The following MACROD2 variants were observed in gnomAD, a reference collection of about 807,000 sequenced individuals.
The protein encoded by MACROD2 is ADP-ribose glycohydrolase MACROD2.
In MACROD2, 36 loss-of-function variants were observed where a neutral mutation model predicts 70.4. The observed-to-expected ratio is 0.51, with a 90% CI of 0.39 to 0.68. The LOEUF (loss-of-function observed/expected upper bound fraction) is 0.68, where lower values mean the gene tolerates loss of function less well. MACROD2 is among the 30% of genes least tolerant of loss of function. MACROD2 has a pLI of 0.00. For synonymous variants in MACROD2, 172 were observed against 178.8 expected (o/e 0.96, Z 0.30); for missense variants, 496 against 538.4 (o/e 0.92, Z 0.78).
At chr20:14,026,676 C>T (rs1006890488) in intron 2 of MACROD2, among the ~76,000 whole-genome samples, 3 of 152,164 alleles carry the variant, frequency 2.0e-5, no homozygotes, top group Non-Finnish European at 4.4e-5. Flanking sequence ...TTGGCCCCCA[C>T]TCTCTTCTGG....
At chr20:14,154,552 ATTTTTTTTTTTTTTTTTTTTTT>A (rs869299523) in intron 3 of MACROD2, among the ~76,000 whole-genome samples, 2 of 106,646 alleles carry the variant, frequency 1.9e-5, no homozygotes, top group East Asian at 2.6e-4. Context: ...CGCCCGGCTA[ATTTTTTTTTTTTTTTTTTTTTT>A]TTTTTTTTTT....
chr20:14,950,024 T>C (rs1013051393), intron 5 of MACROD2, among the ~76,000 whole-genome samples: 6 of 152,154 alleles, frequency 3.9e-5, no homozygotes, highest in African/African-American at 1.2e-4. Context: ...TGTGCACTTA[T>C]TGTCCCTTCT....
intron 8 of MACROD2, among the ~76,000 whole-genome samples, chr20:15,623,032 T>C (rs1440720742): frequency 5.3e-5 from 8 of 152,200 alleles, no homozygotes; most frequent in African/African-American, 1.9e-4. Context: ...TGGAAAAATA[T>C]TACATTTCAG....
chr20:14,078,568 G>T (rs2053947546), intron 2 of MACROD2, among the ~76,000 whole-genome samples: 1 of 151,982 alleles, frequency 6.6e-6, no homozygotes, highest in Non-Finnish European at 1.5e-5. Context: ...CACCACGCCT[G>T]GCTAATTTTG....
intron 13 of MACROD2, among the ~76,000 whole-genome samples, chr20:15,973,198 GT>G (rs2066256800): frequency 6.6e-6 from 1 of 151,990 alleles, no homozygotes; most frequent in African/African-American, 2.4e-5. Flanking sequence ...TCTATATTTT[GT>G]CTGTGTTTCT....
At chr20:15,144,006 T>G (rs1160519121) in intron 5 of MACROD2, among the ~76,000 whole-genome samples, 1 of 151,448 alleles carries the variant, frequency 6.6e-6, no homozygotes, top group African/African-American at 2.4e-5. Flanking sequence ...GTTTACAAAT[T>G]TGTGTTGTGC....
intron 8 of MACROD2, among the ~76,000 whole-genome samples, chr20:15,744,545 T>C (rs1007743403): frequency 1.3e-5 from 2 of 152,146 alleles, no homozygotes; most frequent in African/African-American, 4.8e-5. Flanking sequence ...CCTGTCAAAT[T>C]TTTGATTCTG....
intron 8 of MACROD2, among the ~76,000 whole-genome samples, chr20:15,793,812 AATAT>A (rs1291580275): frequency 1.4e-5 from 2 of 147,668 alleles, no homozygotes; most frequent in African/African-American, 4.9e-5. Flanking sequence ...TATTATATAT[AATAT>A]ATATCATAAC....
At chr20:14,198,381 A>G (rs559912182) in intron 3 of MACROD2, among the ~76,000 whole-genome samples, 7 of 152,362 alleles carry the variant, frequency 4.6e-5, no homozygotes, top group African/African-American at 1.2e-4. Flanking sequence ...ATTTGAATCT[A>G]TGAGCCTTTG....
At chr20:14,057,658 A>G (rs763783977) in intron 2 of MACROD2, among the ~76,000 whole-genome samples, 13 of 152,212 alleles carry the variant, frequency 8.5e-5, no homozygotes, top group Non-Finnish European at 1.3e-4. Context: ...GTGTATACAT[A>G]CATATATCCA....
chr20:15,086,291 T>C (rs755911544), intron 5 of MACROD2, among the ~76,000 whole-genome samples: 4 of 152,222 alleles, frequency 2.6e-5, no homozygotes, highest in Non-Finnish European at 4.4e-5. Context: ...TGATTTGTTA[T>C]TGAATACACA....
At chr20:15,977,905 T>C (rs1429740218) in intron 13 of MACROD2, among the ~76,000 whole-genome samples, 4 of 152,172 alleles carry the variant, frequency 2.6e-5, no homozygotes, top group African/African-American at 7.2e-5. Flanking sequence ...CAGGTAGAGC[T>C]GGTTATGATT....
rs1310634683 is a variant in MACROD2, at chr20:16,032,775, G to GC, written c.1154-8426_1154-8425insC. ...GGAGGAGGGAAGAGAGGAAGGAAGA[G>GC]AGGAAGGAAGGGCAGGAAGGGAGGG... On this transcript the variant is annotated intron_variant, in intron 15 of 17. Coordinates refer to ENST00000684519, the MANE Select transcript of MACROD2 (RefSeq NM_001351661.2). Among the ~76,000 whole-genome samples the GC allele has an allele frequency of 2.3e-4, 28 of 123,148 alleles. No individual in the cohort carries two copies. In the Admixed American group the frequency reaches 2.5e-3, roughly 11 times the overall value. 80.8% of individuals were successfully genotyped at this position (123,148 alleles called of 152,430 possible).
chr20:14,162,032 C>T (rs2055198008), intron 3 of MACROD2, among the ~76,000 whole-genome samples: 1 of 152,088 alleles, frequency 6.6e-6, no homozygotes. Context: ...AATGAACTTC[C>T]CTCTTAGCAC....
chr20:15,021,985 C>T (rs1332440835), intron 5 of MACROD2, among the ~76,000 whole-genome samples: 1 of 151,950 alleles, frequency 6.6e-6, no homozygotes, highest in Non-Finnish European at 1.5e-5. Context: ...CTTCTGTAAG[C>T]CAAAAACTGC....
At chr20:15,103,128 G>A (rs1224285836) in intron 5 of MACROD2, among the ~76,000 whole-genome samples, 4 of 152,070 alleles carry the variant, frequency 2.6e-5, no homozygotes, top group African/African-American at 9.7e-5. Context: ...CTCAATTTAT[G>A]TTCTGTTTCA....
At chr20:15,380,177 C>T (rs905183319) in intron 6 of MACROD2, among the ~76,000 whole-genome samples, 4 of 112,210 alleles carry the variant, frequency 3.6e-5, no homozygotes, top group African/African-American at 2.4e-4. Context: ...ATCATACCAT[C>T]ATTTAAAAAA....
chr20:14,594,263 C>T (rs1217232350), intron 4 of MACROD2, among the ~76,000 whole-genome samples: 1 of 152,108 alleles, frequency 6.6e-6, no homozygotes, highest in Admixed American at 6.6e-5. Flanking sequence ...TGATCTTTTC[C>T]CTTATATTTT....
chr20:14,595,739 T>A lies in MACROD2; in HGVS notation c.302-89104T>A, dbSNP rs1982084090. ...AGGTTCTTACTACACATTGTCGAATTGCCTCCCATGTTTTGCCTACGTATA... is the reference window on the plus strand; with the variant it reads ...AGGTTCTTACTACACATTGTCGAATAGCCTCCCATGTTTTGCCTACGTATA... On this transcript the variant is annotated intron_variant, in intron 4 of 17. Coordinates refer to ENST00000684519, the MANE Select transcript of MACROD2 (RefSeq NM_001351661.2). Among the ~76,000 whole-genome samples the A allele has an allele frequency of 2.0e-5, 3 of 152,328 alleles. No individual in the cohort carries two copies. In the South Asian group the frequency reaches 6.2e-4, roughly 32 times the overall value.
Sources: gnomAD v4.1 joint callset for allele counts (sites outside exome capture counted in the v4.1 genomes callset) on GRCh38, gnomAD v4.1.1 for gene constraint, MANE v1.5 for transcripts, NCBI Gene and HGNC (gene_info 2026-07-23, HGNC 2026-07-21) for gene names.